Variants in ZMAT4 observed in about 807,000 individuals in gnomAD.
ZMAT4 encodes zinc finger matrin-type 4, also known as zinc finger matrin-type protein 4.
ZMAT4 carries 17 observed loss-of-function variants against 28.7 expected under a neutral mutation model. The ratio of observed to expected loss-of-function variants is 0.59; its 90% CI spans 0.41 to 0.89. The LOEUF is 0.89. ZMAT4 is among the 40% of genes least tolerant of loss of function. The pLI is 0.00. For missense variants in ZMAT4, 240 were observed against 283.8 expected, an observed-to-expected ratio of 0.85 and a Z score of 1.11; for synonymous variants, 117 against 109.2, an observed-to-expected ratio of 1.07 and a Z score of -0.44.
At chr8:40,724,647 T>C (rs1811248753) in intron 3 of ZMAT4, among the ~76,000 whole-genome samples, 1 of 152,188 alleles carries the variant, frequency 6.6e-6, no homozygotes, top group Non-Finnish European at 1.5e-5. Context: ...TGCACTGTGA[T>C]GGGATCTACA....
At chr8:40,741,464 C>T (rs1368754838) in intron 3 of ZMAT4, among the ~76,000 whole-genome samples, 1 of 147,944 alleles carries the variant, frequency 6.8e-6, no homozygotes, top group Non-Finnish European at 1.5e-5. Flanking sequence ...AAAAAAAAGA[C>T]ATAAACGTAG....
chr8:40,625,843 GA>G (rs35740736), intron 5 of ZMAT4, among the ~76,000 whole-genome samples: 146,596 of 152,176 alleles, frequency 0.96, 70,852 homozygotes, highest in Middle Eastern at 1. Context: ...GGGCGCGGTG[GA>G]ATCATGCCTG....
At chr8:40,825,757 C>T (rs767235690) in intron 1 of ZMAT4, 77 bp from the exon 2 acceptor site, 4 of 1,200,196 alleles carry the variant, frequency 3.3e-6, no homozygotes, top group Non-Finnish European at 4.7e-6. Context: ...GTATGAAAAG[C>T]CAGGATCACA....
intron 3 of ZMAT4, among the ~76,000 whole-genome samples, chr8:40,703,663 C>T (rs2150500837): frequency 6.6e-6 from 1 of 152,176 alleles, no homozygotes; most frequent in Non-Finnish European, 1.5e-5. Flanking sequence ...TACTGTAGAT[C>T]TGGCAGTCAC....
chr8:40,690,941 T>A (rs1809636155), intron 4 of ZMAT4: 1 of 984,590 alleles, frequency 1.0e-6, no homozygotes, highest in Non-Finnish European at 1.2e-6. Flanking sequence ...CATTGTTTAC[T>A]GTTCCTGCAA....
intron 3 of ZMAT4, among the ~76,000 whole-genome samples, chr8:40,719,444 A>G (rs990301740): frequency 2.0e-5 from 3 of 152,204 alleles, no homozygotes; most frequent in Non-Finnish European, 4.4e-5. Flanking sequence ...CAAAACATAA[A>G]TAAATAAATG....
chr8:40,587,323 GA>G lies in ZMAT4; in HGVS notation c.578-6063del, dbSNP rs199936722. ...AATGCAACCAGACTCAGACTATGGGGAAAAAAAAGAAAAATCTCAGAAATTA... is the reference window on the plus strand; with the variant it reads ...AATGCAACCAGACTCAGACTATGGGGAAAAAAAGAAAAATCTCAGAAATTA... On this transcript the variant is annotated intron_variant, in intron 5 of 6. Coordinates refer to ENST00000297737, the MANE Select transcript of ZMAT4 (RefSeq NM_024645.3). Among the ~76,000 whole-genome samples the G allele has an allele frequency of 3.6e-3, 544 of 151,674 alleles. 3 individuals carry two copies. The highest frequency in any genetic ancestry group is 0.012 in the African/African-American group (516 of 41,402).
In ZMAT4 at chr8:40,640,052, C is replaced by T. The variant is rs145957970; in HGVS notation, c.577+34652G>A. Among the ~76,000 whole-genome samples the T allele has an allele frequency of 2.9e-3, 434 of 152,250 alleles. 3 individuals carry two copies. Among genetic ancestry groups the T allele is most frequent in the African/African-American group, 9.8e-3 (409 of 41,552 alleles). ...TGTGCAGTGGTGAGATCATAGTTCA[C>T]TGTAGCCTCAAACCCCTGGGTTCAA... On this transcript the variant is annotated intron_variant, in intron 5 of 6. Transcript: ENST00000297737.
At chr8:40,604,143 T>C (rs1224653013) in intron 5 of ZMAT4, among the ~76,000 whole-genome samples, 1 of 152,194 alleles carries the variant, frequency 6.6e-6, no homozygotes, top group African/African-American at 2.4e-5. Context: ...GTTTTCTAGG[T>C]ATACAATCCT....
At chr8:40,793,788 C>T (rs543167388) in intron 2 of ZMAT4, among the ~76,000 whole-genome samples, 1 of 152,168 alleles carries the variant, frequency 6.6e-6, no homozygotes, top group South Asian at 2.1e-4. Flanking sequence ...TGAGGTGTGA[C>T]ATCTGTAATT....
chr8:40,588,758 G>C (rs1490921929), intron 5 of ZMAT4, among the ~76,000 whole-genome samples: 1 of 152,058 alleles, frequency 6.6e-6, no homozygotes, highest in African/African-American at 2.4e-5. Context: ...GACAAGAAAT[G>C]TCTAGCAGTA....
At chr8:40,770,168 T>C (rs1813329258) in intron 2 of ZMAT4, among the ~76,000 whole-genome samples, 1 of 152,152 alleles carries the variant, frequency 6.6e-6, no homozygotes, top group African/African-American at 2.4e-5. Flanking sequence ...TAGTTCATTA[T>C]TTAGCAGCAT....
intron 6 of ZMAT4, among the ~76,000 whole-genome samples, chr8:40,565,598 G>A (rs913312456): frequency 1.5e-5 from 2 of 130,916 alleles, no homozygotes; most frequent in Admixed American, 7.5e-5. Context: ...GGCTGGTCTC[G>A]AACTCCTGTC....
chr8:40,750,390 G>A (rs766333381), intron 3 of ZMAT4, among the ~76,000 whole-genome samples: 8 of 152,224 alleles, frequency 5.3e-5, no homozygotes, highest in Non-Finnish European at 1.0e-4. Context: ...AAGACAGCAA[G>A]CGTGATTTAT....
At chr8:40,592,602 C>G (rs191458007) in intron 5 of ZMAT4, among the ~76,000 whole-genome samples, 1 of 152,024 alleles carries the variant, frequency 6.6e-6, no homozygotes, top group Non-Finnish European at 1.5e-5. Context: ...TCCAAACAAA[C>G]GAAATCTAAA....
intron 6 of ZMAT4, among the ~76,000 whole-genome samples, chr8:40,551,889 G>T (rs1393532147): frequency 6.6e-6 from 1 of 152,084 alleles, no homozygotes; most frequent in Non-Finnish European, 1.5e-5. Context: ...AGACACATAA[G>T]CTCCCAGAGC....
At chr8:40,820,612 GTGTA>G (rs1386805324) in intron 2 of ZMAT4, among the ~76,000 whole-genome samples, 1 of 119,168 alleles carries the variant, frequency 8.4e-6, no homozygotes, top group Non-Finnish European at 1.9e-5. Context: ...GTGCATGTGT[GTGTA>G]TGTGTGTGTA....
intron 1 of ZMAT4, among the ~76,000 whole-genome samples, chr8:40,845,656 C>T (rs1816860159): frequency 6.6e-6 from 1 of 151,296 alleles, no homozygotes; most frequent in African/African-American, 2.4e-5. Flanking sequence ...CCCCAAGAGA[C>T]CACTGGGAAG....
At chr8:40,579,275 T>C (rs1330112636) in intron 6 of ZMAT4, among the ~76,000 whole-genome samples, 1 of 152,170 alleles carries the variant, frequency 6.6e-6, no homozygotes, top group Non-Finnish European at 1.5e-5. Context: ...GAGTGATGAA[T>C]ACATGCTCCC....
Sources: allele counts gnomAD v4.1 joint callset (sites outside exome capture counted in the v4.1 genomes callset), GRCh38; gene constraint gnomAD v4.1.1; transcripts MANE v1.5; gene names NCBI Gene and HGNC (gene_info 2026-07-23, HGNC 2026-07-21).